ZC3H12B: variants seen among roughly 807,000 people sequenced by gnomAD.
ZC3H12B encodes the protein probable ribonuclease ZC3H12B.
ZC3H12B carries 7 observed loss-of-function variants against 43.9 expected under a neutral mutation model. The observed-to-expected ratio is 0.16, with a 90% CI of 0.09 to 0.30. The LOEUF is 0.30. Among genes scored for constraint, ZC3H12B ranks in the 10% least tolerant of loss-of-function variants. ZC3H12B has a pLI of 1.00. For missense variants in ZC3H12B, 475 were observed against 670.2 expected (o/e 0.71, Z 3.22); for synonymous variants, 222 against 241.7 (o/e 0.92, Z 0.76).
chrX:65,190,285 T>G, the ZC3H12B span, among the ~76,000 whole-genome samples: 5 of 110,948 alleles, frequency 4.5e-5, no homozygotes, highest in Non-Finnish European at 9.4e-5. Context: ...ATGCGGGCTC[T>G]TTTTTGGTTC....
At chrX:65,213,512 C>G in the ZC3H12B span, among the ~76,000 whole-genome samples, 315 of 110,834 alleles carry the variant, frequency 2.8e-3, 2 homozygotes, top group Non-Finnish European at 2.6e-3. Context: ...AATATTTGCG[C>G]TATACATGGT....
chrX:65,206,979 T>A, the ZC3H12B span, among the ~76,000 whole-genome samples: 1 of 103,085 alleles, frequency 9.7e-6, no homozygotes, highest in Non-Finnish European at 1.9e-5. Context: ...CCCGCAAGAA[T>A]GGCCATAATC....
chrX:65,233,140 A>G, the ZC3H12B span, among the ~76,000 whole-genome samples: 1 of 112,066 alleles, frequency 8.9e-6, no homozygotes. Context: ...ACCACAATAC[A>G]ATTACAGTGG....
the ZC3H12B span, among the ~76,000 whole-genome samples, chrX:65,258,801 C>T: frequency 2.7e-5 from 3 of 111,346 alleles, no homozygotes; most frequent in Non-Finnish European, 5.7e-5. Flanking sequence ...AAATTAAGAA[C>T]ACAATTCCAT....
the ZC3H12B span, among the ~76,000 whole-genome samples, chrX:65,035,031 C>T: frequency 2.7e-5 from 3 of 112,564 alleles, no homozygotes; most frequent in Admixed American, 2.8e-4. Context: ...AGCGCCTTCC[C>T]CCCATCGCCT....
chrX:65,152,970 C>G, the ZC3H12B span, among the ~76,000 whole-genome samples: 2 of 111,822 alleles, frequency 1.8e-5, no homozygotes, highest in Admixed American at 1.9e-4. Context: ...CTGAGAAACA[C>G]AAGCAATGGG....
the ZC3H12B span, chrX:65,357,277 C>A: frequency 3.0e-6 from 1 of 338,710 alleles, no homozygotes; most frequent in East Asian, 6.6e-5. Flanking sequence ...GATGACTGTT[C>A]AATCACTATA....
the ZC3H12B span, among the ~76,000 whole-genome samples, chrX:65,194,164 G>T: frequency 2.0e-5 from 2 of 102,557 alleles, no homozygotes; most frequent in African/African-American, 7.1e-5. Context: ...CAGAGACAGA[G>T]ATCCAAATCA....
intron 1 of ZC3H12B, among the ~76,000 whole-genome samples, chrX:65,491,435 G>C (rs866723845): frequency 9.0e-6 from 1 of 111,259 alleles, no homozygotes; most frequent in Non-Finnish European, 1.9e-5. Flanking sequence ...GGCCAGGTAC[G>C]GTGGCTCACA....
chrX:65,460,206 G>A (rs891139563), intron 3 of ZC3H12B, among the ~76,000 whole-genome samples: 6 of 111,412 alleles, frequency 5.4e-5, no homozygotes, highest in East Asian at 2.8e-4. Context: ...ACAAAATAAA[G>A]GAGGATACAA....
the ZC3H12B span, among the ~76,000 whole-genome samples, chrX:65,144,910 G>A: frequency 8.9e-6 from 1 of 111,754 alleles, no homozygotes; most frequent in Non-Finnish European, 1.9e-5. Flanking sequence ...CTTGGAGAAA[G>A]TTCCATGCGC....
the ZC3H12B span, among the ~76,000 whole-genome samples, chrX:65,142,508 T>C: frequency 4.5e-5 from 5 of 112,308 alleles, no homozygotes; most frequent in Non-Finnish European, 9.4e-5. Context: ...CTTTAACTAA[T>C]TCCCAGCAAT....
the ZC3H12B span, among the ~76,000 whole-genome samples, chrX:65,287,296 G>C: frequency 9.0e-6 from 1 of 111,602 alleles, no homozygotes; most frequent in Non-Finnish European, 1.9e-5. Context: ...CACAAAACAA[G>C]TCTCAACATA....
the ZC3H12B span, chrX:65,357,140 T>C: frequency 2.1e-6 from 1 of 479,482 alleles, no homozygotes; most frequent in Non-Finnish European, 3.9e-6. Flanking sequence ...ACATGGGGGC[T>C]CTGTCCTGAG....
At chrX:65,214,895 T>C in the ZC3H12B span, among the ~76,000 whole-genome samples, 1 of 111,438 alleles carries the variant, frequency 9.0e-6, no homozygotes, top group Non-Finnish European at 1.9e-5. Flanking sequence ...GATTCATGAG[T>C]TGCAGAATGG....
the ZC3H12B span, among the ~76,000 whole-genome samples, chrX:65,325,527 A>T: frequency 3.6e-5 from 4 of 111,605 alleles, no homozygotes; most frequent in African/African-American, 1.3e-4. Context: ...TTAATGAATT[A>T]CTTAGGAGTA....
At chrX:65,295,254 C>T in the ZC3H12B span, among the ~76,000 whole-genome samples, 3 of 111,439 alleles carry the variant, frequency 2.7e-5, no homozygotes, top group Admixed American at 1.9e-4. Flanking sequence ...CAAAATGAAC[C>T]TTAAAAACCA....
At chrX:65,325,764 A>T in the ZC3H12B span, among the ~76,000 whole-genome samples, 3 of 111,676 alleles carry the variant, frequency 2.7e-5, no homozygotes, top group African/African-American at 9.7e-5. Context: ...TAAGACAATT[A>T]TGAGCAAAAG....
chrX:65,437,293 C>G, intron 3 of ZC3H12B, among the ~76,000 whole-genome samples: 1 of 111,558 alleles, frequency 9.0e-6, no homozygotes. Flanking sequence ...ATCCCCACTC[C>G]CCTGCTCTAT....
Sources: gnomAD v4.1 joint callset for allele counts (sites outside exome capture counted in the v4.1 genomes callset) on GRCh38, gnomAD v4.1.1 for gene constraint, MANE v1.5 for transcripts, NCBI Gene and HGNC (gene_info 2026-07-23, HGNC 2026-07-21) for gene names.